The following BEST2 variants were observed in gnomAD, a reference collection of about 807,000 sequenced individuals.
The protein encoded by BEST2 is bestrophin 2, also known as bestrophin-2a.
In BEST2, 36 loss-of-function variants were observed where a neutral mutation model predicts 49.0. That is an observed-to-expected ratio of 0.73 (90% confidence interval 0.56 to 0.97). The LOEUF (loss-of-function observed/expected upper bound fraction) is 0.97, where lower values mean the gene tolerates loss of function less well. BEST2 is among the 50% of genes least tolerant of loss of function. The pLI is 0.00. For synonymous variants in BEST2, 335 were observed against 304.4 expected, an observed-to-expected ratio of 1.10 and a Z score of -1.05; for missense variants, 672 against 710.0, an observed-to-expected ratio of 0.95 and a Z score of 0.61.
chr19:12,754,478 T>C (rs972248968), intron 3 of BEST2, 74 bp from the exon 4 acceptor site: 5 of 1,264,028 alleles, frequency 4.0e-6, no homozygotes, highest in Admixed American at 5.9e-5. Flanking sequence ...CGTTGCCCCC[T>C]CTCCCACAAC....
In BEST2 at chr19:12,757,679, C is replaced by T. The variant is rs1444186809; in HGVS notation, c.1132C>T (p.Arg378Trp). The T allele has an allele frequency of 6.5e-7, 1 of 1,543,800 alleles. No individual in the cohort carries two copies. Among genetic ancestry groups the T allele is most frequent in the Non-Finnish European group, 8.7e-7 (1 of 1,148,882 alleles). Residue 378 changes from arginine (R) to tryptophan (W), a missense_variant, in exon 10 of 10, where the codon CGG becomes TGG. Arg to Trp is a moderately radical substitution (Grantham distance 101). This residue lies in a region of BEST2 where 291 missense variants were observed against 279.8 expected (regional missense o/e 1.04). Transcript: ENST00000553030. ...GGCCAAAGAAGACATGCAGTTCCAG[C>T]GGCTGGACGGCTTGGATGGACCGAT... Reference protein sequence around the residue: ...TLAKEDMQFQRLDGLDGPMGE... With the variant: ...TLAKEDMQFQWLDGLDGPMGE...
At position 12,757,838 on chromosome 19, in the gene BEST2, G is replaced by A. The variant is rs1208905171; in HGVS notation, c.1291G>A (p.Ala431Thr). Residue 431 changes from alanine to threonine, a missense_variant, in exon 10 of 10, where the codon GCC becomes ACC. By Grantham distance (58) the Ala-to-Thr change is moderately conservative. Transcript: ENST00000553030. ...CTGCGTGTCGGAGGCGTCTACTGGG[G>A]CCAGCTGCTCATGCGCGGTTGTCCC... The part of the protein sequence containing the change: ...NSCVSEASTG[A>T]SCSCAVVPEG... 1.9e-6 allele frequency: 3 copies of A among 1,549,070 alleles called. No homozygotes were observed. The highest frequency in any genetic ancestry group is 2.6e-6 in the Non-Finnish European group (3 of 1,146,678).
chr19:12,753,933 C>T (rs1049242432), intron 3 of BEST2, among the ~76,000 whole-genome samples: 1 of 152,064 alleles, frequency 6.6e-6, no homozygotes, highest in Admixed American at 6.6e-5. Flanking sequence ...GTCCCTATGC[C>T]TTCACAGCAA....
rs1428733707 is a variant in BEST2 at position 12,753,357 on chromosome 19, G to T, written c.247+3G>T. The T allele has an allele frequency of 1.2e-6, 2 of 1,613,744 alleles. No individual in the cohort carries two copies. Among genetic ancestry groups the T allele is most frequent in the Non-Finnish European group, 8.5e-7 (1 of 1,179,810 alleles). On this transcript the variant is annotated splice_donor_region_variant and intron_variant, in intron 3 of 9. Coordinates refer to ENST00000553030, the MANE Select transcript of BEST2 (RefSeq NM_017682.3). Reference sequence around the variant, plus strand: ...CATCCCTGTCTCCTTCGTGCTTGGTGCGGTCCAACCCCAAGTCCCCCGTTC... The same window carrying T: ...CATCCCTGTCTCCTTCGTGCTTGGTTCGGTCCAACCCCAAGTCCCCCGTTC...
Position 12,754,909 on chromosome 19 carries a change from GA to G in BEST2, c.518del (p.Asn173ThrfsTer2), listed in dbSNP as rs1967919300. The G allele has an allele frequency of 4.3e-6, 7 of 1,613,526 alleles. No individual in the cohort carries two copies. The South Asian group carries it at 7.7e-5, about 18-fold the overall frequency. ...FMTREERKKF[E>X]NLNSSYNKYW... Reference sequence around the variant, plus strand: ...GACCCGCGAGGAGCGCAAGAAGTTTGAAAACCTGAACTCATCCTACAACAAG... The same window carrying G: ...GACCCGCGAGGAGCGCAAGAAGTTTGAAACCTGAACTCATCCTACAACAAG... On this transcript the variant is annotated frameshift_variant, in exon 5 of 10. Transcript: ENST00000553030. LOFTEE classifies it high-confidence loss of function.
chr19:12,754,730 C>G lies in BEST2; in HGVS notation c.426C>G (p.Ser142=). ...AGLSAVLILR[S]VSTAVFKRFP... is the part of the protein sequence containing the mutation. The stretch of plus-strand genomic sequence containing the variant: ...TCTCGGCCGTGCTCATCCTGCGCTC[C>G]GTCAGCACCGCGGTGTTCAAGCGCT... Residue 142 remains serine (S), a synonymous_variant, in exon 4 of 10, where the codon TCC becomes TCG. Coordinates refer to ENST00000553030, the MANE Select transcript of BEST2 (RefSeq NM_017682.3). 1 of 1,593,092 alleles carries G rather than the reference C, an allele frequency of 6.3e-7. No homozygotes were observed. Among genetic ancestry groups the G allele is most frequent in the Non-Finnish European group, 8.5e-7 (1 of 1,169,728 alleles).
At position 12,755,963 on chromosome 19, in the gene BEST2, C is replaced by T; in HGVS notation, c.948+28C>T. 9 of 1,609,592 alleles carry T rather than the reference C, an allele frequency of 5.6e-6. No individual in the cohort carries two copies. Among genetic ancestry groups the T allele is most frequent in the Non-Finnish European group, 7.7e-6 (9 of 1,175,886 alleles). ...GAGACTCAGTTTCCAGGTGAGACTT[C>T]CAGGTGGCGACCATCCCGGAGTGCC... On this transcript the variant is annotated intron_variant, in intron 8 of 9. Transcript: ENST00000553030. The surrounding 1 kb of genome is among the most constrained non-coding windows in gnomAD (Gnocchi z 4.4).
At chr19:12,752,421 G>A (rs542720922) in intron 1 of BEST2, 121 bp from the exon 2 acceptor site, 2 of 640,410 alleles carry the variant, frequency 3.1e-6, no homozygotes, top group African/African-American at 1.8e-5. Context: ...GGACTAGACT[G>A]AGTAAAGCTG....
Position 12,754,662 on chromosome 19 carries a change from C to T in BEST2, c.358C>T (p.Arg120Cys), listed in dbSNP as rs1476986043. 1.3e-6 allele frequency: 2 copies of T among 1,560,138 alleles called. No homozygotes were observed. Among genetic ancestry groups the T allele is most frequent in the East Asian group, 2.4e-5 (1 of 41,604 alleles). Residue 120 changes from arginine (R) to cysteine (C), a missense_variant, in exon 4 of 10, where the codon CGC becomes TGC. By Grantham distance (180) the Arg-to-Cys change is radical. Coordinates refer to ENST00000553030, the MANE Select transcript of BEST2 (RefSeq NM_017682.3). ...GGGCACCGTGCACGGACGCGACGACCGCGGCCGCCTCTACCGGCGCACACT... is the reference window on the plus strand; with the variant it reads ...GGGCACCGTGCACGGACGCGACGACTGCGGCCGCCTCTACCGGCGCACACT... ...VAGTVHGRDD[R>C]GRLYRRTLMR...
At chr19:12,756,387 G>C in intron 9 of BEST2, 92 bp downstream of exon 9, 1 of 1,487,452 alleles carries the variant, frequency 6.7e-7, no homozygotes. Flanking sequence ...AATCAATTCT[G>C]GAGATGGGGA....
At chr19:12,756,713 G>A in intron 9 of BEST2, 1 of 203,388 alleles carries the variant, frequency 4.9e-6, no homozygotes, top group East Asian at 1.3e-4. Context: ...CAAGCGTGGT[G>A]GTGCACGCCT....
chr19:12,757,622 G>A, intron 9 of BEST2, 29 bp from the exon 10 acceptor site: 1 of 1,520,906 alleles, frequency 6.6e-7, no homozygotes, highest in Admixed American at 2.2e-5. Context: ...AGGCGAGGCC[G>A]CAGCGCTGGC....
Position 12,753,252 on chromosome 19 carries a change from T to G in BEST2, c.153-8T>G. ...TGTGACCTGTGACCCCTCATCTCTA[T>G]CCCGCAGCTTTGTGCTGACCGAAGG... On this transcript the variant is annotated splice_polypyrimidine_tract_variant and splice_region_variant and intron_variant, in intron 2 of 9. Coordinates refer to ENST00000553030, the MANE Select transcript of BEST2 (RefSeq NM_017682.3). 1 of 1,614,058 alleles carries G rather than the reference T, an allele frequency of 6.2e-7. No individual in the cohort carries two copies. Among genetic ancestry groups the G allele is most frequent in the Non-Finnish European group, 8.5e-7 (1 of 1,179,922 alleles).
chr19:12,757,706 GGA>G lies in BEST2; in HGVS notation c.1163_1164del (p.Glu388GlyfsTer125). The G allele has an allele frequency of 1.3e-6, 2 of 1,546,588 alleles. No homozygotes were observed. The highest frequency in any genetic ancestry group is 1.7e-6 in the Non-Finnish European group (2 of 1,149,190). ...GCTGGACGGCTTGGATGGACCGATGGGAGAGGCGCCCGGCGACTTCCTGCAGC... is the reference window on the plus strand; with the variant it reads ...GCTGGACGGCTTGGATGGACCGATGGGAGGCGCCCGGCGACTTCCTGCAGC... The part of the protein sequence containing the change: ...QRLDGLDGPM[G>X]EAPGDFLQRL... On this transcript the variant is annotated frameshift_variant, in exon 10 of 10. Coordinates refer to ENST00000553030, the MANE Select transcript of BEST2 (RefSeq NM_017682.3). LOFTEE classifies it low-confidence loss of function (END_TRUNC).
intron 3 of BEST2, 107 bp downstream of exon 3, chr19:12,753,461 A>G: frequency 4.1e-6 from 4 of 972,610 alleles, no homozygotes; most frequent in Non-Finnish European, 6.1e-6. Flanking sequence ...CCCCCCCCTC[A>G]AATCCAACCC....
chr19:12,752,159 A>G (rs1191962649), intron 1 of BEST2, among the ~76,000 whole-genome samples: 1 of 151,930 alleles, frequency 6.6e-6, no homozygotes, highest in Non-Finnish European at 1.5e-5. Flanking sequence ...AGCCAGAAAT[A>G]GGGGCTGAGG....
At position 12,756,077 on chromosome 19, in the gene BEST2, G is replaced by A. The variant is rs45486300; in HGVS notation, c.949-64G>A. The A allele has an allele frequency of 4.2e-3, 6,673 of 1,607,944 alleles. 73 individuals carry two copies. Among genetic ancestry groups the A allele is most frequent in the South Asian group, 0.024 (2,200 of 90,242 alleles). On this transcript the variant is annotated intron_variant, in intron 8 of 9. Coordinates refer to ENST00000553030, the MANE Select transcript of BEST2 (RefSeq NM_017682.3). The stretch of plus-strand genomic sequence containing the variant: ...CTGTGGTCCCCACCCACCCGAAGGG[G>A]TCCACCCTGTGGTCCCGGCGGGTTG...
At position 12,758,111 on chromosome 19, in the gene BEST2, C is replaced by T; in HGVS notation, c.*34C>T. ...AGCCCAGCCCCCTAAGGACAGGGAA[C>T]CAGGTCCCTGCACGGCACCCACGCA... On this transcript the variant is annotated 3_prime_UTR_variant, in exon 10 of 10. Transcript: ENST00000553030. 6.2e-7 allele frequency: 1 copy of T among 1,604,702 alleles called. No individual in the cohort carries two copies. The highest frequency in any genetic ancestry group is 8.5e-7 in the Non-Finnish European group (1 of 1,176,726).
At chr19:12,753,801 C>A (rs1335317181) in intron 3 of BEST2, among the ~76,000 whole-genome samples, 2 of 152,140 alleles carry the variant, frequency 1.3e-5, no homozygotes, top group East Asian at 1.9e-4. Flanking sequence ...CTGATGTAGA[C>A]CCTGTCCCCA....
Sources: allele counts gnomAD v4.1 joint callset (sites outside exome capture counted in the v4.1 genomes callset), GRCh38; gene constraint gnomAD v4.1.1; regional missense constraint gnomAD v4.1.1; non-coding constraint Gnocchi (gnomAD v3.1); transcripts MANE v1.5; gene names NCBI Gene and HGNC (gene_info 2026-07-23, HGNC 2026-07-21).